OAS2: variants seen among roughly 807,000 people sequenced by gnomAD.
The protein encoded by OAS2 is 2'-5'-oligoadenylate synthase 2.
Under a neutral mutation model 71.3 loss-of-function variants are expected in OAS2, and 67 were observed. The observed-to-expected ratio is 0.94, with a 90% CI of 0.77 to 1.15. The LOEUF (loss-of-function observed/expected upper bound fraction) is 1.15, where lower values mean the gene tolerates loss of function less well. Ranked by LOEUF, OAS2 falls within the 50% of genes most tolerant of loss-of-function variation. OAS2 has a pLI of 0.00. For missense variants in OAS2, 789 were observed against 822.5 expected, an observed-to-expected ratio of 0.96 and a Z score of 0.50; for synonymous variants, 327 against 321.8, an observed-to-expected ratio of 1.02 and a Z score of -0.17.
intron 5 of OAS2, among the ~76,000 whole-genome samples, chr12:113,002,686 C>T (rs530084504): frequency 4.5e-4 from 68 of 152,236 alleles, no homozygotes; most frequent in African/African-American, 1.4e-3. Flanking sequence ...CCAGATCTCT[C>T]CTAGGGGGAA....
chr12:113,006,948 C>T (rs1182090584), intron 8 of OAS2, among the ~76,000 whole-genome samples: 3 of 152,198 alleles, frequency 2.0e-5, no homozygotes, highest in African/African-American at 7.2e-5. Context: ...CACATGCTCT[C>T]TCTCAGAAGG....
At chr12:113,003,713 G>A (rs948753499) in intron 6 of OAS2, among the ~76,000 whole-genome samples, 9 of 152,316 alleles carry the variant, frequency 5.9e-5, no homozygotes, top group Admixed American at 6.5e-5. Context: ...CAAAGGCCAC[G>A]GGGCTGACAT....
intron 6 of OAS2, among the ~76,000 whole-genome samples, chr12:113,004,393 G>T (rs2044313053): frequency 6.6e-6 from 1 of 152,206 alleles, no homozygotes; most frequent in Non-Finnish European, 1.5e-5. Context: ...AAGAGGAGGA[G>T]GGAGGGAAGG....
At chr12:113,002,891 A>G in intron 5 of OAS2, 41 bp from the exon 6 acceptor site, 2 of 1,599,262 alleles carry the variant, frequency 1.3e-6, no homozygotes, top group Non-Finnish European at 1.7e-6. Context: ...GGGTGGGCTT[A>G]CAGGTGCCAC....
At position 113,010,422 on chromosome 12, in the gene OAS2, A is replaced by G. The variant is rs2136397885; in HGVS notation, c.*1167A>G. ...TGGAGCTAGGATCCATCCTATTGTC[A>G]ATGAGATGTTCTCATCCAGAAGCCA... On this transcript the variant is annotated 3_prime_UTR_variant, in exon 10 of 10. Coordinates refer to ENST00000392583, the MANE Select transcript of OAS2 (RefSeq NM_002535.3). 1.9e-6 allele frequency: 3 copies of G among 1,614,038 alleles called. No individual in the cohort carries two copies. The East Asian group carries it at 6.7e-5, about 36-fold the overall frequency.
At position 112,997,377 on chromosome 12, in the gene OAS2, TTGGTA is replaced by T. The variant is rs1156446249; in HGVS notation, c.628-141_628-137del. ...AGTTGTTCCACATCTTTGTCAAGACTTGGTATTGTCAGTCCACTGAACTGTAGGCA... is the reference window on the plus strand; with the variant it reads ...AGTTGTTCCACATCTTTGTCAAGACTTTGTCAGTCCACTGAACTGTAGGCA... On this transcript the variant is annotated intron_variant, in intron 3 of 9. Coordinates refer to ENST00000392583, the MANE Select transcript of OAS2 (RefSeq NM_002535.3). 5.2e-5 allele frequency: 33 copies of T among 629,406 alleles called. No homozygotes were observed. The East Asian group carries it at 7.9e-4, about 15-fold the overall frequency. 39.0% of individuals were successfully genotyped at this position (629,406 alleles called of 1,614,324 possible).
chr12:113,008,486 T>G (rs537516528), intron 9 of OAS2, among the ~76,000 whole-genome samples: 2 of 152,344 alleles, frequency 1.3e-5, no homozygotes, highest in Middle Eastern at 3.4e-3. Context: ...GATTAAATTA[T>G]GTATCATATT....
At position 113,007,841 on chromosome 12, in the gene OAS2, T is replaced by G; in HGVS notation, c.1793T>G (p.Leu598Arg). 6.2e-7 allele frequency: 1 copy of G among 1,614,200 alleles called. No individual in the cohort carries two copies. The highest frequency in any genetic ancestry group is 8.5e-7 in the Non-Finnish European group (1 of 1,180,020). ...TAEGFRTVLE[L>R]VTQYQQLCIF... is the part of the protein sequence containing the mutation. ...GAAGGTTTCCGGACAGTCCTGGAGC[T>G]GGTCACACAATATCAGCAGCTCTGC... is the stretch of plus-strand genomic sequence containing the variant. The change falls in exon 9 of 10, where the codon CTG becomes CGG. Residue 598 changes from leucine (L) to arginine (R), a missense_variant. Physicochemically the swap from Leu to Arg is moderately radical, Grantham distance 102. Coordinates refer to ENST00000392583, the MANE Select transcript of OAS2 (RefSeq NM_002535.3).
In OAS2 at chr12:113,005,024, C is replaced by CA. The variant is rs781171419; in HGVS notation, c.1277dup (p.Asn426LysfsTer12). The CA allele has an allele frequency of 1.2e-6, 2 of 1,614,060 alleles. No individual in the cohort carries two copies. Among genetic ancestry groups the CA allele is most frequent in the East Asian group, 4.5e-5 (2 of 44,874 alleles). On this transcript the variant is annotated frameshift_variant, in exon 7 of 10. Coordinates refer to ENST00000392583, the MANE Select transcript of OAS2 (RefSeq NM_002535.3). LOFTEE classifies it high-confidence loss of function. ...TAACTCACTTAAAAGCTACACCTCC[C>CA]AAAAAAACGAGCGGCACAAAATCGT...
At chr12:113,007,976 C>A (rs781480588) in intron 9 of OAS2, 33 bp downstream of exon 9, 57 of 1,478,994 alleles carry the variant, frequency 3.9e-5, no homozygotes, top group Middle Eastern at 1.7e-4. Context: ...CTTTTCTTAA[C>A]CTGATTCCCT....
intron 6 of OAS2, 26 bp downstream of exon 6, chr12:113,003,128 T>C (rs749881286): frequency 3.7e-6 from 6 of 1,611,652 alleles, no homozygotes; most frequent in Non-Finnish European, 5.1e-6. Context: ...TCTCATGTCT[T>C]GTTGGAATGA....
At position 112,987,243 on chromosome 12, in the gene OAS2, C is replaced by A. The variant is rs773973556; in HGVS notation, c.383C>A (p.Thr128Asn). ...ATCCAGAAGTCCCTTGATGGGTTCA[C>A]CATCCAGGTGTTCACAAAAAATCAG... ...FEIQKSLDGF[T>N]IQVFTKNQRI... The change falls in exon 2 of 10, where the codon ACC becomes AAC. Residue 128 changes from threonine to asparagine, a missense_variant. Coordinates refer to ENST00000392583, the MANE Select transcript of OAS2 (RefSeq NM_002535.3). 2 of 1,614,160 alleles carry A rather than the reference C, an allele frequency of 1.2e-6. No individual in the cohort carries two copies. Among genetic ancestry groups the A allele is most frequent in the Non-Finnish European group, 1.7e-6 (2 of 1,180,024 alleles).
chr12:113,005,918 C>CAAAAAAAAAAAAAAAAAAAAAAAAA (rs138299398), intron 7 of OAS2, among the ~76,000 whole-genome samples: 3 of 49,044 alleles, frequency 6.1e-5, no homozygotes, highest in Non-Finnish European at 1.0e-4. Flanking sequence ...ACAACAACAA[C>CAAAAAAAAAAAAAAAAAAAAAAAAA]AAAAAAAAAA....
chr12:112,989,468 G>A (rs1225886535), intron 2 of OAS2, among the ~76,000 whole-genome samples: 2 of 152,220 alleles, frequency 1.3e-5, no homozygotes, highest in Non-Finnish European at 2.9e-5. Context: ...GGAAAGGCAG[G>A]ACAACTCAAA....
intron 9 of OAS2, among the ~76,000 whole-genome samples, chr12:113,008,794 T>C (rs2136396614): frequency 6.6e-6 from 1 of 152,156 alleles, no homozygotes; most frequent in East Asian, 1.9e-4. Flanking sequence ...GCCCAGCTAA[T>C]TTTTGTATTT....
At position 113,006,594 on chromosome 12, in the gene OAS2, C is replaced by A. The variant is rs1323788683; in HGVS notation, c.1650C>A (p.Tyr550Ter). ...TAATTCGCCTGGTGAAGCACTGGTA[C>A]AAAGAGGTAAGGACAGTCTTTGTTC... ...KDLIRLVKHW[Y>*]KECERKLKPK... Residue 550 changes from tyrosine (Y) to a stop codon, truncating the protein, a stop_gained, in exon 8 of 10, where the codon TAC (tyrosine) becomes TAA (stop). Coordinates refer to ENST00000392583, the MANE Select transcript of OAS2 (RefSeq NM_002535.3). LOFTEE classifies it high-confidence loss of function. 3 of 1,602,454 alleles carry A rather than the reference C, an allele frequency of 1.9e-6. No homozygotes were observed. Among genetic ancestry groups the A allele is most frequent in the Non-Finnish European group, 8.5e-7 (1 of 1,171,400 alleles).
At chr12:112,982,120 T>A (rs553772435) in intron 1 of OAS2, among the ~76,000 whole-genome samples, 8 of 152,302 alleles carry the variant, frequency 5.3e-5, no homozygotes, top group African/African-American at 1.9e-4. Flanking sequence ...TCTAAGAGGT[T>A]TTCTTGGTGG....
At chr12:113,000,757 C>T (rs770275805) in intron 5 of OAS2, among the ~76,000 whole-genome samples, 17 of 152,078 alleles carry the variant, frequency 1.1e-4, no homozygotes, top group South Asian at 4.2e-4. Flanking sequence ...ACTCATACCA[C>T]GCACACATAT....
At chr12:113,001,317 C>A (rs930598046) in intron 5 of OAS2, among the ~76,000 whole-genome samples, 12 of 151,690 alleles carry the variant, frequency 7.9e-5, no homozygotes, top group Non-Finnish European at 8.8e-5. Flanking sequence ...CAGAACAAGA[C>A]CCTGTCTCAA....
Sources: allele counts gnomAD v4.1 joint callset (sites outside exome capture counted in the v4.1 genomes callset), GRCh38; gene constraint gnomAD v4.1.1; transcripts MANE v1.5; gene names NCBI Gene and HGNC (gene_info 2026-07-23, HGNC 2026-07-21).